The following MMACHC variants were observed in gnomAD, a reference collection of about 807,000 sequenced individuals.
MMACHC encodes cyanocobalamin reductase / alkylcobalamin dealkylase.
MMACHC carries 14 observed loss-of-function variants against 17.6 expected under a neutral mutation model. The ratio of observed to expected loss-of-function variants is 0.80; its 90% CI spans 0.53 to 1.25. The LOEUF (loss-of-function observed/expected upper bound fraction) is 1.25. Among genes scored for constraint, MMACHC ranks in the 50% most tolerant of loss-of-function variants. MMACHC has a pLI of 0.00. For synonymous variants in MMACHC, 151 were observed against 142.1 expected (o/e 1.06, Z -0.45); for missense variants, 392 against 364.5 (o/e 1.08, Z -0.62).
Position 45,508,325 on chromosome 1 carries a change from C to T in MMACHC, c.390C>T (p.Tyr130=). 1.2e-6 allele frequency: 2 copies of T among 1,614,174 alleles called. No homozygotes were observed. Among genetic ancestry groups the T allele is most frequent in the Non-Finnish European group, 8.5e-7 (1 of 1,180,020 alleles). ...ATGTAGCTGGGGCTGCTTACTACTA[C>T]CAACGACAAGATGTGGAGGCTGACC... The part of the protein sequence containing the change: ...AAHVAGAAYY[Y]QRQDVEADPW... The change falls in exon 3 of 4, where the codon TAC becomes TAT. Residue 130 remains tyrosine (Y), a synonymous_variant. Transcript: ENST00000401061.
rs372670428 is a variant in MMACHC, at chr1:45,508,323, T to C, written c.388T>C (p.Tyr130His). ...CCATGTAGCTGGGGCTGCTTACTACTACCAACGACAAGATGTGGAGGCTGA... is the reference window on the plus strand; with the variant it reads ...CCATGTAGCTGGGGCTGCTTACTACCACCAACGACAAGATGTGGAGGCTGA... ...AAHVAGAAYY[Y>H]QRQDVEADPW... The change falls in exon 3 of 4, where the codon TAC becomes CAC. Residue 130 changes from tyrosine to histidine, a missense_variant. Physicochemically the swap from Tyr to His is moderately conservative, Grantham distance 83 (BLOSUM62 2). Transcript: ENST00000401061. 13 of 1,614,010 alleles carry C rather than the reference T, an allele frequency of 8.1e-6. No individual in the cohort carries two copies. The highest frequency in any genetic ancestry group is 4.5e-5 in the East Asian group (2 of 44,886).
chr1:45,507,355 G>A lies in MMACHC; in HGVS notation c.82-1G>A, dbSNP rs1255179780. ...AGCCTGGCCTGAACTTTCTGTTTCAGGTGGCATGGTACAATGAACTCTTGC... is the reference window on the plus strand; with the variant it reads ...AGCCTGGCCTGAACTTTCTGTTTCAAGTGGCATGGTACAATGAACTCTTGC... On this transcript the variant is annotated splice_acceptor_variant, in intron 1 of 3. Coordinates refer to ENST00000401061, the MANE Select transcript of MMACHC (RefSeq NM_015506.3). LOFTEE classifies it high-confidence loss of function. The A allele has an allele frequency of 1.3e-5, 21 of 1,614,088 alleles. No homozygotes were observed. Among genetic ancestry groups the A allele is most frequent in the Non-Finnish European group, 1.6e-5 (19 of 1,180,014 alleles).
At chr1:45,508,023 C>T (rs1643660373) in intron 2 of MMACHC, among the ~76,000 whole-genome samples, 189 bp from the exon 3 acceptor site, 1 of 152,190 alleles carries the variant, frequency 6.6e-6, no homozygotes, top group Admixed American at 6.5e-5. Flanking sequence ...TATGTATTTC[C>T]CTTCAAACAT....
rs1643692096 is a variant in MMACHC, at chr1:45,509,230, G to A, written c.*15G>A. The A allele has an allele frequency of 6.2e-7, 1 of 1,613,914 alleles. No individual in the cohort carries two copies. The highest frequency in any genetic ancestry group is 8.5e-7 in the Non-Finnish European group (1 of 1,180,026). On this transcript the variant is annotated 3_prime_UTR_variant, in exon 4 of 4. Coordinates refer to ENST00000401061, the MANE Select transcript of MMACHC (RefSeq NM_015506.3). Reference sequence around the variant, plus strand: ...CTGGCCCTTGATTTTCTCCCATGTGGACCCTGATTTATGGTGGTACTTGCT... The same window carrying A: ...CTGGCCCTTGATTTTCTCCCATGTGAACCCTGATTTATGGTGGTACTTGCT...
chr1:45,504,931 TG>T (rs1643599961), intron 1 of MMACHC, among the ~76,000 whole-genome samples: 1 of 151,302 alleles, frequency 6.6e-6, no homozygotes, highest in Non-Finnish European at 1.5e-5. Flanking sequence ...CTGGCCAACA[TG>T]GCAAAACCCC....
intron 1 of MMACHC, among the ~76,000 whole-genome samples, chr1:45,503,368 A>G (rs2149322028): frequency 6.6e-6 from 1 of 151,198 alleles, no homozygotes; most frequent in South Asian, 2.1e-4. Context: ...ATTGCAGTCT[A>G]GCCTGGGCAA....
At chr1:45,503,291 G>C (rs962838829) in intron 1 of MMACHC, among the ~76,000 whole-genome samples, 1 of 151,908 alleles carries the variant, frequency 6.6e-6, no homozygotes, top group Non-Finnish European at 1.5e-5. Flanking sequence ...CCGGCTACTC[G>C]GGAGGCTGAA....
Position 45,512,069 on chromosome 1 carries a change from C to CTTTTTTTTTTT in MMACHC, c.*2871_*2881dup, listed in dbSNP as rs869087041. On this transcript the variant is annotated 3_prime_UTR_variant, in exon 4 of 4. Transcript: ENST00000401061. ...GCAAGGGGACTAATCTCTTATTTTT[C>CTTTTTTTTTTT]TTTTTTTTTTTTTTTTTTTTTTTTT... The CTTTTTTTTTTT allele has an allele frequency of 2.7e-4, 18 of 66,920 alleles. No individual in the cohort carries two copies. Among genetic ancestry groups the CTTTTTTTTTTT allele is most frequent in the Non-Finnish European group, 3.4e-4 (13 of 38,080 alleles). 4.1% of individuals were successfully genotyped at this position (66,920 alleles called of 1,614,324 possible).
rs115028762 is a variant in MMACHC, at chr1:45,507,567, T to A, written c.276+17T>A. 3.3e-4 allele frequency: 526 copies of A among 1,613,892 alleles called. 5 individuals are homozygous for A. In the African/African-American group the frequency reaches 6.3e-3, roughly 19 times the overall value. ...GTTAGAGAGGTGAGGAAGGCTCAGT[T>A]TTCCCCCAGCTCCCAAACCTACAGC... On this transcript the variant is annotated intron_variant, in intron 2 of 3. Coordinates refer to ENST00000401061, the MANE Select transcript of MMACHC (RefSeq NM_015506.3).
In MMACHC at chr1:45,500,370, A is replaced by G; in HGVS notation, c.38A>G (p.Glu13Gly). ...GTCGCAGAGCTGAAGCAGAAGATCG[A>G]GGACACGCTATGTCCTTTTGGCTTC... is the stretch of plus-strand genomic sequence containing the variant. ...PKVAELKQKI[E>G]DTLCPFGFEV... Residue 13 changes from glutamate to glycine, a missense_variant, in exon 1 of 4, where the codon GAG becomes GGG. By Grantham distance (98) the Glu-to-Gly change is moderately conservative (BLOSUM62 -2). Transcript: ENST00000401061. The G allele has an allele frequency of 6.2e-7, 1 of 1,614,176 alleles. No homozygotes were observed. Among genetic ancestry groups the G allele is most frequent in the Non-Finnish European group, 8.5e-7 (1 of 1,180,028 alleles).
chr1:45,509,753 G>A lies in MMACHC; in HGVS notation c.*538G>A, dbSNP rs2149324459. The A allele has an allele frequency of 6.5e-6, 1 of 154,350 alleles. No homozygotes were observed. The highest frequency in any genetic ancestry group is 1.9e-4 in the East Asian group (1 of 5,162). The allele number at this position is 154,350 out of a possible 1,614,324, so 9.6% of individuals were successfully genotyped here. On this transcript the variant is annotated 3_prime_UTR_variant, in exon 4 of 4. Coordinates refer to ENST00000401061, the MANE Select transcript of MMACHC (RefSeq NM_015506.3). ...CCATTTCTAAGCAGTTCCCCAAGATGTTGTTACAGGGCCTAAGGGGCAAAT... is the reference window on the plus strand; with the variant it reads ...CCATTTCTAAGCAGTTCCCCAAGATATTGTTACAGGGCCTAAGGGGCAAAT...
intron 1 of MMACHC, among the ~76,000 whole-genome samples, chr1:45,504,467 T>G (rs562983489): frequency 6.6e-5 from 10 of 152,202 alleles, no homozygotes; most frequent in Non-Finnish European, 8.8e-5. Flanking sequence ...TAGACTAATA[T>G]GGTGTTGACC....
rs886046368 is a variant in MMACHC at position 45,508,338 on chromosome 1, G to T, written c.403G>T (p.Val135Leu). 1 of 1,614,112 alleles carries T rather than the reference G, an allele frequency of 6.2e-7. No individual in the cohort carries two copies. The highest frequency in any genetic ancestry group is 2.2e-5 in the East Asian group (1 of 44,892). ...TGCTTACTACTACCAACGACAAGAT[G>T]TGGAGGCTGACCCATGGGGGAACCA... ...GAAYYYQRQDVEADPWGNQRI... is the reference protein window; with the variant it reads ...GAAYYYQRQDLEADPWGNQRI... The change falls in exon 3 of 4, where the codon GTG becomes TTG. Residue 135 changes from valine (V) to leucine (L), a missense_variant. Physicochemically the swap from Val to Leu is conservative, Grantham distance 32 (BLOSUM62 1). Transcript: ENST00000401061.
At position 45,508,744 on chromosome 1, in the gene MMACHC, C is replaced by G; in HGVS notation, c.430-52C>G. 4 of 1,581,950 alleles carry G rather than the reference C, an allele frequency of 2.5e-6. No homozygotes were observed. In the South Asian group the frequency reaches 3.5e-5, roughly 14 times the overall value. On this transcript the variant is annotated intron_variant, in intron 3 of 3. Coordinates refer to ENST00000401061, the MANE Select transcript of MMACHC (RefSeq NM_015506.3). ...CCTAGCTTGCAATGATGGCAGTTGA[C>G]TTGGTGCCAAGGGGACCTCCATGAC...
At chr1:45,500,493 C>A in intron 1 of MMACHC, 80 bp downstream of exon 1, 1 of 1,348,652 alleles carries the variant, frequency 7.4e-7, no homozygotes, top group East Asian at 2.3e-5. Context: ...TCGGGAGCCT[C>A]TGATCCTCCT....
At chr1:45,504,852 G>C (rs571661160) in intron 1 of MMACHC, among the ~76,000 whole-genome samples, 2 of 152,230 alleles carry the variant, frequency 1.3e-5, no homozygotes, top group East Asian at 3.9e-4. Context: ...GGAAGCTCAC[G>C]CCTGTAATCC....
Position 45,505,595 on chromosome 1 carries a change from A to G in MMACHC, c.82-1761A>G, listed in dbSNP as rs573655352. Reference sequence around the variant, plus strand: ...AGGCATGAGCCACCGCGCCGAGCCTAAAAACAGTATTTTAAGAAACTGCCT... The same window carrying G: ...AGGCATGAGCCACCGCGCCGAGCCTGAAAACAGTATTTTAAGAAACTGCCT... On this transcript the variant is annotated intron_variant, in intron 1 of 3. Transcript: ENST00000401061. Among the ~76,000 whole-genome samples the G allele has an allele frequency of 5.3e-5, 8 of 151,792 alleles. No individual in the cohort carries two copies. The South Asian group carries it at 1.2e-3, about 24-fold the overall frequency.
chr1:45,503,603 A>G (rs1643576289), intron 1 of MMACHC, among the ~76,000 whole-genome samples: 1 of 151,976 alleles, frequency 6.6e-6, no homozygotes, highest in Admixed American at 6.6e-5. Flanking sequence ...GTTCCCTGCC[A>G]TATAATACAT....
Position 45,511,234 on chromosome 1 carries a change from G to A in MMACHC, c.*2019G>A. ...AAGACACCACAATTCGGCTGAATCTGAAGTCTTGTGTTTTACTAATGGAAA... is the reference window on the plus strand; with the variant it reads ...AAGACACCACAATTCGGCTGAATCTAAAGTCTTGTGTTTTACTAATGGAAA... On this transcript the variant is annotated 3_prime_UTR_variant, in exon 4 of 4. Coordinates refer to ENST00000401061, the MANE Select transcript of MMACHC (RefSeq NM_015506.3). 1 of 1,065,132 alleles carries A rather than the reference G, an allele frequency of 9.4e-7. No homozygotes were observed. Among genetic ancestry groups the A allele is most frequent in the Non-Finnish European group, 1.4e-6 (1 of 730,704 alleles). 66.0% of individuals were successfully genotyped at this position (1,065,132 alleles called of 1,614,324 possible).
Sources: gnomAD v4.1 joint callset for allele counts (sites outside exome capture counted in the v4.1 genomes callset) on GRCh38, gnomAD v4.1.1 for gene constraint, MANE v1.5 for transcripts, NCBI Gene and HGNC (gene_info 2026-07-23, HGNC 2026-07-21) for gene names.